GIN1: variants seen among roughly 807,000 people sequenced by gnomAD.
The protein encoded by GIN1 is gypsy retrotransposon integrase 1.
Under a neutral mutation model 51.4 loss-of-function variants are expected in GIN1, and 41 were observed. The ratio of observed to expected loss-of-function variants is 0.80; its 90% CI spans 0.62 to 1.04. The LOEUF (loss-of-function observed/expected upper bound fraction) is 1.04, where lower values mean the gene tolerates loss of function less well. Among genes scored for constraint, GIN1 ranks in the 50% least tolerant of loss-of-function variants. The probability of loss-of-function intolerance (pLI) is 0.00; values close to 1 mark genes in which losing one functional copy is unlikely to be tolerated. For missense variants in GIN1, 610 were observed against 612.4 expected (o/e 1.00, Z 0.04); for synonymous variants, 222 against 206.5 (o/e 1.07, Z -0.64).
intron 7 of GIN1, 63 bp from the exon 8 acceptor site, chr5:103,088,235 A>T: frequency 9.9e-7 from 1 of 1,009,350 alleles, no homozygotes; most frequent in Non-Finnish European, 1.4e-6. Context: ...TTTTTAATTA[A>T]ACAATTTTAA....
intron 7 of GIN1, among the ~76,000 whole-genome samples, chr5:103,089,996 A>G (rs953842704): frequency 7.2e-5 from 11 of 152,222 alleles, no homozygotes; most frequent in African/African-American, 7.2e-5. Context: ...ATAAAATAAA[A>G]TAAAAATCAT....
chr5:103,090,768 A>T (rs1183004960), intron 7 of GIN1, among the ~76,000 whole-genome samples: 1 of 152,172 alleles, frequency 6.6e-6, no homozygotes, highest in African/African-American at 2.4e-5. Context: ...TTTTCATTTT[A>T]ATTTGCTGAA....
intron 1 of GIN1, among the ~76,000 whole-genome samples, chr5:103,113,253 C>T (rs1327572548): frequency 1.3e-5 from 2 of 152,098 alleles, no homozygotes; most frequent in Admixed American, 6.6e-5. Flanking sequence ...TCCACTTGGG[C>T]GGCTATAACA....
chr5:103,090,456 G>A (rs572754867), intron 7 of GIN1, among the ~76,000 whole-genome samples: 7 of 152,282 alleles, frequency 4.6e-5, no homozygotes, highest in African/African-American at 9.6e-5. Context: ...AAGGCTAGGC[G>A]GTAGTTTATA....
intron 1 of GIN1, among the ~76,000 whole-genome samples, chr5:103,117,056 A>T (rs1257411367): frequency 6.6e-6 from 1 of 152,070 alleles, no homozygotes; most frequent in African/African-American, 2.4e-5. Context: ...ATACTAACCC[A>T]AAAGAAAATA....
At chr5:103,098,256 T>C (rs1787464927) in intron 4 of GIN1, among the ~76,000 whole-genome samples, 1 of 152,126 alleles carries the variant, frequency 6.6e-6, no homozygotes, top group Admixed American at 6.5e-5. Context: ...ATGTATAAAA[T>C]AGTGATTGCC....
chr5:103,104,016 C>T (rs1787649953), intron 4 of GIN1, among the ~76,000 whole-genome samples: 1 of 151,962 alleles, frequency 6.6e-6, no homozygotes, highest in Admixed American at 6.6e-5. Context: ...TGCAGTGGTG[C>T]AATCTTGGCT....
intron 4 of GIN1, among the ~76,000 whole-genome samples, chr5:103,100,952 T>A (rs1444079225): frequency 6.6e-6 from 1 of 152,140 alleles, no homozygotes; most frequent in Non-Finnish European, 1.5e-5. Flanking sequence ...TCCCTTTACC[T>A]TCAGAGAATA....
chr5:103,106,788 A>G lies in GIN1; in HGVS notation c.261T>C (p.Gly87=), dbSNP rs781953650. 7 of 1,605,200 alleles carry G rather than the reference A, an allele frequency of 4.4e-6. No individual in the cohort carries two copies. The South Asian group carries it at 7.8e-5, about 18-fold the overall frequency. The change falls in exon 3 of 8, where the codon GGT becomes GGC. Residue 87 remains glycine, a synonymous_variant. Coordinates refer to ENST00000399004, the MANE Select transcript of GIN1 (RefSeq NM_017676.2). The part of the protein sequence containing the change: ...CHENDSGAHH[G]ISRTLTLVES... Reference sequence around the variant, plus strand: ...CTACCAGAGTGAGGGTCCTGGATATACCATGATGAGCTCCACTGTCATTTT... The same window carrying G: ...CTACCAGAGTGAGGGTCCTGGATATGCCATGATGAGCTCCACTGTCATTTT...
intron 7 of GIN1, among the ~76,000 whole-genome samples, chr5:103,090,024 C>T (rs1415592052): frequency 6.6e-6 from 1 of 152,184 alleles, no homozygotes; most frequent in Non-Finnish European, 1.5e-5. Flanking sequence ...GGCAGTGGCT[C>T]ATGCCTGTAA....
In GIN1 at chr5:103,090,598, T is replaced by A. The variant is rs140006125; in HGVS notation, c.1295-2426A>T. Among the ~76,000 whole-genome samples the A allele has an allele frequency of 2.7e-3, 418 of 152,278 alleles. 1 individual carries two copies. Among genetic ancestry groups the A allele is most frequent in the African/African-American group, 9.8e-3 (406 of 41,556 alleles). ...TCAGTGATGGCAGTTACCATAGGCATTTAAGAAATGCCCAAAGACTCTTTC... is the reference window on the plus strand; with the variant it reads ...TCAGTGATGGCAGTTACCATAGGCAATTAAGAAATGCCCAAAGACTCTTTC... On this transcript the variant is annotated intron_variant, in intron 7 of 7. Transcript: ENST00000399004.
intron 1 of GIN1, among the ~76,000 whole-genome samples, chr5:103,110,450 AT>A (rs1447646548): frequency 2.6e-5 from 4 of 152,192 alleles, no homozygotes; most frequent in Non-Finnish European, 4.4e-5. Context: ...ACAGCACTTC[AT>A]AAAAGAGAAT....
intron 1 of GIN1, among the ~76,000 whole-genome samples, chr5:103,111,723 T>A (rs986477715): frequency 6.6e-6 from 1 of 152,046 alleles, no homozygotes; most frequent in Non-Finnish European, 1.5e-5. Context: ...GGAAAAAAAA[T>A]GTGAGTCTGC....
At position 103,097,783 on chromosome 5, in the gene GIN1, T is replaced by G; in HGVS notation, c.640-2A>C. ...CAATCTGTACAGTTCAATATTGATC[T>G]GAAAAATATATAAAACAAAGGTGGC... On this transcript the variant is annotated splice_acceptor_variant, in intron 4 of 7. Coordinates refer to ENST00000399004, the MANE Select transcript of GIN1 (RefSeq NM_017676.2). LOFTEE classifies it high-confidence loss of function. 7.5e-7 allele frequency: 1 copy of G among 1,328,502 alleles called. No individual in the cohort carries two copies. The highest frequency in any genetic ancestry group is 2.4e-5 in the East Asian group (1 of 41,850). The allele number at this position is 1,328,502 out of a possible 1,614,324, so 82.3% of individuals were successfully genotyped here.
At chr5:103,113,721 G>A (rs1029558857) in intron 1 of GIN1, among the ~76,000 whole-genome samples, 12 of 151,770 alleles carry the variant, frequency 7.9e-5, no homozygotes, top group Admixed American at 2.0e-4. Context: ...GAGGTTTCAC[G>A]ATGTTGGCCA....
chr5:103,105,868 A>AT (rs1276590823), intron 3 of GIN1, among the ~76,000 whole-genome samples: 1 of 152,234 alleles, frequency 6.6e-6, no homozygotes, highest in Non-Finnish European at 1.5e-5. Flanking sequence ...TTCTCCAGTG[A>AT]TAACAATTTG....
At chr5:103,104,468 C>T in intron 4 of GIN1, 73 bp downstream of exon 4, 1 of 699,896 alleles carries the variant, frequency 1.4e-6, no homozygotes, top group Non-Finnish European at 2.5e-6. Context: ...TAATATAATG[C>T]AGAGGGCACT....
chr5:103,118,383 T>C (rs1788119178), intron 1 of GIN1, among the ~76,000 whole-genome samples: 1 of 152,158 alleles, frequency 6.6e-6, no homozygotes, highest in Admixed American at 6.5e-5. Context: ...TTATCATCCA[T>C]ATCAGGCTGT....
At chr5:103,115,289 A>G (rs1470915563) in intron 1 of GIN1, among the ~76,000 whole-genome samples, 1 of 152,202 alleles carries the variant, frequency 6.6e-6, no homozygotes, top group East Asian at 1.9e-4. Flanking sequence ...TCAAGTGTCC[A>G]TCAATGGCTG....
Sources: gnomAD v4.1 joint callset for allele counts (sites outside exome capture counted in the v4.1 genomes callset) on GRCh38, gnomAD v4.1.1 for gene constraint, MANE v1.5 for transcripts, NCBI Gene and HGNC (gene_info 2026-07-23, HGNC 2026-07-21) for gene names.